The following ACOXL variants were observed in gnomAD, a reference collection of about 807,000 sequenced individuals.
The protein encoded by ACOXL is acyl-coenzyme A oxidase-like protein.
A neutral mutation model predicts 71.9 loss-of-function variants in ACOXL; 70 were observed. The ratio of observed to expected loss-of-function variants is 0.97; its 90% CI spans 0.80 to 1.19. The LOEUF (loss-of-function observed/expected upper bound fraction) is 1.19, where lower values mean the gene tolerates loss of function less well. ACOXL is among the 50% of genes most tolerant of loss of function. The pLI is 0.00. For missense variants in ACOXL, 703 were observed against 736.3 expected (o/e 0.95, Z 0.52); for synonymous variants, 253 against 281.6 (o/e 0.90, Z 1.02).
At chr2:111,043,927 C>T (rs1188935977) in intron 15 of ACOXL, among the ~76,000 whole-genome samples, 3 of 152,184 alleles carry the variant, frequency 2.0e-5, no homozygotes, top group African/African-American at 7.2e-5. Context: ...CTCCTCTTTC[C>T]AGGGACCTGG....
intron 10 of ACOXL, among the ~76,000 whole-genome samples, chr2:110,878,681 C>A (rs1265356303): frequency 6.6e-6 from 1 of 151,936 alleles, no homozygotes; most frequent in Non-Finnish European, 1.5e-5. Flanking sequence ...AGGAGAATCC[C>A]TTGAACCTGG....
chr2:110,861,878 G>A (rs766733787), intron 10 of ACOXL, among the ~76,000 whole-genome samples: 4 of 152,108 alleles, frequency 2.6e-5, no homozygotes, highest in South Asian at 2.1e-4. Context: ...GCCTCTGAAC[G>A]GCTCCGGGTG....
At chr2:110,958,085 A>G (rs2061567515) in intron 12 of ACOXL, among the ~76,000 whole-genome samples, 1 of 151,312 alleles carries the variant, frequency 6.6e-6, no homozygotes, top group Non-Finnish European at 1.5e-5. Context: ...TTGAGAGGAC[A>G]CAATGATGTA....
At chr2:110,968,076 C>T (rs1211323878) in intron 12 of ACOXL, 18 of 1,232,512 alleles carry the variant, frequency 1.5e-5, no homozygotes, top group Admixed American at 3.4e-5. Flanking sequence ...CATACGCACA[C>T]GAACTGCCAA....
chr2:110,807,223 C>T (rs1011177721), intron 9 of ACOXL, among the ~76,000 whole-genome samples: 9 of 152,158 alleles, frequency 5.9e-5, no homozygotes, highest in South Asian at 2.1e-4. Context: ...GCACTGGGGC[C>T]GTGAACAGGC....
intron 16 of ACOXL, among the ~76,000 whole-genome samples, chr2:111,068,395 G>C (rs1445869810): frequency 6.6e-6 from 1 of 152,206 alleles, no homozygotes; most frequent in African/African-American, 2.4e-5. Flanking sequence ...GCAAGATTTA[G>C]CTGAATGTTC....
At chr2:110,980,892 C>T (rs931149699) in intron 12 of ACOXL, among the ~76,000 whole-genome samples, 1 of 152,230 alleles carries the variant, frequency 6.6e-6, no homozygotes, top group South Asian at 2.1e-4. Flanking sequence ...TGCGCAGCCC[C>T]TCTCTGTGCC....
intron 2 of ACOXL, among the ~76,000 whole-genome samples, chr2:110,783,176 C>A (rs1273376760): frequency 1.3e-5 from 2 of 152,190 alleles, no homozygotes. Flanking sequence ...CTGTCTGTTA[C>A]ATGGGGTCAG....
chr2:110,750,886 T>C (rs1454516380), intron 1 of ACOXL, among the ~76,000 whole-genome samples: 1 of 152,056 alleles, frequency 6.6e-6, no homozygotes, highest in East Asian at 1.9e-4. Context: ...GGCTTCGCCA[T>C]GTTGCCCAGG....
At chr2:110,751,044 A>T (rs895375731) in intron 1 of ACOXL, among the ~76,000 whole-genome samples, 5 of 151,854 alleles carry the variant, frequency 3.3e-5, no homozygotes, top group African/African-American at 1.2e-4. Context: ...CACGCCTGTA[A>T]TCCCAGCACT....
intron 10 of ACOXL, among the ~76,000 whole-genome samples, chr2:110,893,923 G>A (rs1439084937): frequency 1.3e-5 from 2 of 152,054 alleles, no homozygotes; most frequent in Non-Finnish European, 2.9e-5. Context: ...TTTAAAGGGA[G>A]AAAATATGAC....
chr2:110,898,951 A>C (rs1049562293), intron 10 of ACOXL, among the ~76,000 whole-genome samples: 2 of 152,232 alleles, frequency 1.3e-5, no homozygotes, highest in Admixed American at 6.5e-5. Context: ...GGTGATGAAC[A>C]TAAGGGTATC....
At chr2:111,064,657 GTGAT>G (rs1205577467) in intron 16 of ACOXL, among the ~76,000 whole-genome samples, 1 of 152,150 alleles carries the variant, frequency 6.6e-6, no homozygotes, top group African/African-American at 2.4e-5. Flanking sequence ...TTTTTGATCT[GTGAT>G]TGATTGAATC....
intron 5 of ACOXL, among the ~76,000 whole-genome samples, chr2:110,797,285 G>C (rs1448867871): frequency 6.6e-6 from 1 of 152,148 alleles, no homozygotes; most frequent in Non-Finnish European, 1.5e-5. Flanking sequence ...AGACTGTTTT[G>C]AGCTGAAATC....
intron 1 of ACOXL, among the ~76,000 whole-genome samples, chr2:110,735,816 C>A (rs922007842): frequency 6.6e-5 from 10 of 152,198 alleles, no homozygotes; most frequent in Non-Finnish European, 1.3e-4. Flanking sequence ...TGTTAAAAAG[C>A]AACATCTGAA....
At chr2:110,826,222 C>G (rs1485498426) in intron 9 of ACOXL, among the ~76,000 whole-genome samples, 1 of 152,206 alleles carries the variant, frequency 6.6e-6, no homozygotes, top group African/African-American at 2.4e-5. Context: ...AGAATCATCA[C>G]TGAGCGCCCC....
chr2:111,020,062 G>C (rs914858790), intron 14 of ACOXL, among the ~76,000 whole-genome samples: 1 of 152,174 alleles, frequency 6.6e-6, no homozygotes, highest in South Asian at 2.1e-4. Context: ...GTTTCACCCT[G>C]TTGGCCAGGC....
intron 8 of ACOXL, 89 bp from the exon 9 acceptor site, chr2:110,805,174 C>T (rs1686476939): frequency 3.9e-6 from 6 of 1,533,670 alleles, no homozygotes; most frequent in Non-Finnish European, 5.3e-6. Flanking sequence ...CGAGTGCTTC[C>T]CTGTGTATGC....
chr2:111,005,765 A>G (rs918314472), intron 14 of ACOXL, among the ~76,000 whole-genome samples: 15 of 152,102 alleles, frequency 9.9e-5, no homozygotes, highest in African/African-American at 3.6e-4. Flanking sequence ...AAGATCACCA[A>G]TAGGATGTCC....
Sources: allele counts gnomAD v4.1 joint callset (sites outside exome capture counted in the v4.1 genomes callset), GRCh38; gene constraint gnomAD v4.1.1; transcripts MANE v1.5; gene names NCBI Gene and HGNC (gene_info 2026-07-23, HGNC 2026-07-21).